Variants in CCNH observed in about 807,000 individuals in gnomAD.
The protein encoded by CCNH is cyclin H, also known as cyclin-H.
Under a neutral mutation model 41.9 loss-of-function variants are expected in CCNH, and 31 were observed. That is an observed-to-expected ratio of 0.74 (90% confidence interval 0.56 to 1.00). CCNH has a LOEUF of 1.00. Among genes scored for constraint, CCNH ranks in the 50% least tolerant of loss-of-function variants. The pLI is 0.00. For synonymous variants in CCNH, 138 were observed against 136.1 expected (o/e 1.01, Z -0.10); for missense variants, 362 against 388.4 (o/e 0.93, Z 0.57).
intron 9 of CCNH, among the ~76,000 whole-genome samples, chr5:87,358,416 A>T (rs1361468269): frequency 6.6e-6 from 1 of 152,222 alleles, no homozygotes; most frequent in African/African-American, 2.4e-5. Flanking sequence ...GAGAGCTGAG[A>T]GGTTAATAAC....
Position 87,376,458 on chromosome 5 carries a change from A to G in CCNH, n.723T>C, listed in dbSNP as rs749936964. On this transcript the variant is annotated non_coding_transcript_exon_variant, in exon 1 of 1. Transcript: ENST00000607486. ...TGCCACAGATGAATGGTTTCTGCTC[A>G]GCTCCCATATACCATTAAAAGGTAT... The G allele has an allele frequency of 3.7e-6, 6 of 1,613,942 alleles. No homozygotes were observed. In the Admixed American group the frequency reaches 8.3e-5, roughly 22 times the overall value.
chr5:87,408,447 C>T (rs1415357362), intron 3 of CCNH, among the ~76,000 whole-genome samples: 2 of 152,050 alleles, frequency 1.3e-5, no homozygotes, highest in Non-Finnish European at 2.9e-5. Flanking sequence ...GACTCAATGA[C>T]AGTGTTATGC....
At chr5:87,330,067 A>G (rs1371831874) in intron 9 of CCNH, among the ~76,000 whole-genome samples, 1 of 152,134 alleles carries the variant, frequency 6.6e-6, no homozygotes, top group Non-Finnish European at 1.5e-5. Flanking sequence ...ACAGGTTACA[A>G]TTATATTTTG....
At chr5:87,318,943 G>C (rs140133316) in intron 9 of CCNH, 1 of 152,264 alleles carries the variant, frequency 6.6e-6, no homozygotes, top group Non-Finnish European at 1.5e-5. Flanking sequence ...TACAATGAGA[G>C]TACAGGGAAT....
intron 9 of CCNH, among the ~76,000 whole-genome samples, chr5:87,360,068 T>C (rs1759957424): frequency 6.6e-6 from 1 of 152,124 alleles, no homozygotes; most frequent in Non-Finnish European, 1.5e-5. Flanking sequence ...AGATTTTAAG[T>C]ACATCACTAC....
At chr5:87,357,255 A>G (rs1267628293) in intron 9 of CCNH, among the ~76,000 whole-genome samples, 1 of 152,014 alleles carries the variant, frequency 6.6e-6, no homozygotes, top group East Asian at 1.9e-4. Flanking sequence ...TATGTTTTAT[A>G]TATGTGTATT....
chr5:87,344,418 CTGT>C lies in CCNH; in HGVS notation c.*91-25524_*91-25522del, dbSNP rs532191182. On this transcript the variant is annotated intron_variant and NMD_transcript_variant, in intron 9 of 9. Coordinates refer to the CCNH transcript ENST00000645953. ...ACCTTAGCAGAGCCTAAAAAATGAT[CTGT>C]TATCTGGTTATTTTGTCGTTTACTA... 2.3e-4 allele frequency among the ~76,000 whole-genome samples: 35 copies of C among 152,192 alleles called. No homozygotes were observed. The South Asian group carries it at 6.0e-3, about 26-fold the overall frequency.
downstream of CCNH, among the ~76,000 whole-genome samples, chr5:87,389,941 T>C (rs1412369685): frequency 6.6e-6 from 1 of 152,226 alleles, no homozygotes; most frequent in East Asian, 1.9e-4. Context: ...TTTGGGATGT[T>C]TGTCAAATTT....
intron 9 of CCNH, among the ~76,000 whole-genome samples, chr5:87,346,472 C>T (rs1758867892): frequency 6.6e-6 from 1 of 151,650 alleles, no homozygotes; most frequent in South Asian, 2.1e-4. Context: ...TTGATAGTTT[C>T]TAGTTTTACT....
chr5:87,322,480 ATCAG>A (rs1181061504), intron 9 of CCNH, among the ~76,000 whole-genome samples: 1 of 152,176 alleles, frequency 6.6e-6, no homozygotes, highest in Non-Finnish European at 1.5e-5. Context: ...CTTCCACTAA[ATCAG>A]TCAGTCCCTG....
chr5:87,390,736 G>T, downstream of CCNH: 1 of 1,357,514 alleles, frequency 7.4e-7, no homozygotes, highest in Admixed American at 1.7e-5. Flanking sequence ...TCAAATCCAG[G>T]TTCCCATCCT....
downstream of CCNH, among the ~76,000 whole-genome samples, chr5:87,387,306 T>C (rs1348892682): frequency 2.0e-5 from 3 of 152,168 alleles, no homozygotes; most frequent in African/African-American, 7.2e-5. Flanking sequence ...ATAAGTAGAC[T>C]GAAAAGTCTT....
exon 1 of CCNH, chr5:87,376,936 A>G (rs773854021): frequency 1.2e-6 from 2 of 1,611,026 alleles, no homozygotes; most frequent in Admixed American, 3.3e-5. Flanking sequence ...GTATGTGGAC[A>G]AGACCGAACA....
chr5:87,389,103 TA>T (rs1159851285), downstream of CCNH, among the ~76,000 whole-genome samples: 3 of 152,200 alleles, frequency 2.0e-5, no homozygotes, highest in East Asian at 1.9e-4. Flanking sequence ...ATTTGAGTAT[TA>T]AAAAAATTAT....
At chr5:87,361,264 G>A (rs556949005) in intron 9 of CCNH, among the ~76,000 whole-genome samples, 11 of 152,246 alleles carry the variant, frequency 7.2e-5, no homozygotes, top group African/African-American at 2.6e-4. Flanking sequence ...TTTAGCATGC[G>A]TGCCACAGTT....
At chr5:87,327,284 T>A (rs1757300413) in intron 9 of CCNH, among the ~76,000 whole-genome samples, 1 of 152,194 alleles carries the variant, frequency 6.6e-6, no homozygotes, top group Non-Finnish European at 1.5e-5. Flanking sequence ...GAGCTGGGAT[T>A]CAAAGACAGT....
chr5:87,358,825 C>A (rs1341645716), intron 9 of CCNH, among the ~76,000 whole-genome samples: 1 of 152,188 alleles, frequency 6.6e-6, no homozygotes, highest in African/African-American at 2.4e-5. Flanking sequence ...AAGCCAGACT[C>A]TTTCCTTCCT....
chr5:87,328,930 A>G (rs1026564087), intron 9 of CCNH, among the ~76,000 whole-genome samples: 1 of 151,952 alleles, frequency 6.6e-6, no homozygotes, highest in East Asian at 1.9e-4. Flanking sequence ...TAAGGATCAA[A>G]TCAACTAAGT....
intron 9 of CCNH, among the ~76,000 whole-genome samples, chr5:87,327,608 G>GTCAGCATAATCATACT (rs1316479455): frequency 6.6e-6 from 1 of 152,166 alleles, no homozygotes; most frequent in African/African-American, 2.4e-5. Flanking sequence ...CTCAGGGAGT[G>GTCAGCATAATCATACT]TCAGCATAAT....
Sources: allele counts gnomAD v4.1 joint callset (sites outside exome capture counted in the v4.1 genomes callset), GRCh38; gene constraint gnomAD v4.1.1; transcripts MANE v1.5; gene names NCBI Gene and HGNC (gene_info 2026-07-23, HGNC 2026-07-21).